The following RBFOX1 variants were observed in gnomAD, a reference collection of about 807,000 sequenced individuals.
RBFOX1 encodes RNA binding protein fox-1 homolog 1.
Under a neutral mutation model 57.7 loss-of-function variants are expected in RBFOX1, and 8 were observed. That is an observed-to-expected ratio of 0.14 (90% CI 0.08 to 0.25). The LOEUF (loss-of-function observed/expected upper bound fraction) is 0.25. Ranked by LOEUF, RBFOX1 falls within the 10% of genes least tolerant of loss-of-function variation. The pLI is 1.00. For synonymous variants in RBFOX1, 326 were observed against 222.4 expected, an observed-to-expected ratio of 1.47 and a Z score of -4.15; for missense variants, 611 against 548.5, an observed-to-expected ratio of 1.11 and a Z score of -1.14.
chr16:7,604,947 TG>T (rs1294652873), intron 9 of RBFOX1, among the ~76,000 whole-genome samples: 1 of 152,142 alleles, frequency 6.6e-6, no homozygotes, highest in Non-Finnish European at 1.5e-5. Flanking sequence ...GAGTATGAGA[TG>T]GGTAACAGTG....
At chr16:6,890,778 C>T (rs2065229940) in intron 3 of RBFOX1, among the ~76,000 whole-genome samples, 1 of 152,126 alleles carries the variant, frequency 6.6e-6, no homozygotes, top group Non-Finnish European at 1.5e-5. Flanking sequence ...GCTTTTTTAA[C>T]CTACGTACCC....
chr16:6,944,412 AAAAG>A (rs1211883516), intron 3 of RBFOX1, among the ~76,000 whole-genome samples: 90 of 149,990 alleles, frequency 6.0e-4, no homozygotes, highest in African/African-American at 2.0e-3. Context: ...AAAAAAAAAA[AAAAG>A]AAAGAAAAGA....
intron 3 of RBFOX1, among the ~76,000 whole-genome samples, chr16:6,897,085 A>G (rs1309447823): frequency 2.0e-5 from 3 of 152,098 alleles, no homozygotes; most frequent in Non-Finnish European, 4.4e-5. Context: ...TGAGGAAGGG[A>G]GCAATGGATG....
At chr16:6,368,323 C>G (rs2089961922) in intron 2 of RBFOX1, among the ~76,000 whole-genome samples, 1 of 152,220 alleles carries the variant, frequency 6.6e-6, no homozygotes, top group Non-Finnish European at 1.5e-5. Flanking sequence ...CCCCAGGAAT[C>G]TTCAGTCTGC....
chr16:6,550,279 C>T (rs539742228), intron 2 of RBFOX1, among the ~76,000 whole-genome samples: 2 of 152,216 alleles, frequency 1.3e-5, no homozygotes, highest in South Asian at 4.2e-4. Context: ...CCAGGTTCAA[C>T]AATTCTCTTG....
Position 6,943,621 on chromosome 16 carries a change from T to A in RBFOX1, c.-15-108436T>A, listed in dbSNP as rs8059256. 8.3e-3 allele frequency among the ~76,000 whole-genome samples: 1,256 copies of A among 150,596 alleles called. 10 individuals are homozygous for A. The highest frequency in any genetic ancestry group is 0.029 in the African/African-American group (1,168 of 40,840). On this transcript the variant is annotated intron_variant, in intron 3 of 15. Transcript: ENST00000550418. ...TACTTGGGAGGCTGAGGCAGGAGAATGGCGTGAACCCGGGAGGCGGAGCTT... is the reference window on the plus strand; with the variant it reads ...TACTTGGGAGGCTGAGGCAGGAGAAAGGCGTGAACCCGGGAGGCGGAGCTT...
Position 6,727,086 on chromosome 16 carries a change from A to C in RBFOX1, c.-16+72436A>C, listed in dbSNP as rs530139700. Among the ~76,000 whole-genome samples the C allele has an allele frequency of 8.1e-3, 141 of 17,484 alleles. 2 individuals are homozygous for C. Among genetic ancestry groups the C allele is most frequent in the African/African-American group, 0.011 (126 of 11,486 alleles). The allele number at this position is 17,484 out of a possible 152,430, so 11.5% of individuals were successfully genotyped here. On this transcript the variant is annotated intron_variant, in intron 3 of 15. Transcript: ENST00000550418. Reference sequence around the variant, plus strand: ...ACACAGACACAGAGAGAGACACACAAAACACACACAGACACACATAAATAT... The same window carrying C: ...ACACAGACACAGAGAGAGACACACACAACACACACAGACACACATAAATAT...
At chr16:5,616,125 C>G (rs1279696798) in intron 3 of RBFOX1, 1 of 152,592 alleles carries the variant, frequency 6.6e-6, no homozygotes, top group Non-Finnish European at 1.5e-5. Flanking sequence ...TGTGGACCTA[C>G]TTCGCGGGCA....
At chr16:5,509,109 A>C (rs79605781) in intron 2 of RBFOX1, among the ~76,000 whole-genome samples, 1,729 of 152,296 alleles carry the variant, frequency 0.011, 22 homozygotes, top group East Asian at 0.058. Flanking sequence ...TCTCAGAGGC[A>C]CAGTGTGAGA....
chr16:7,459,813 T>C (rs747051136), intron 4 of RBFOX1, among the ~76,000 whole-genome samples: 3 of 152,186 alleles, frequency 2.0e-5, no homozygotes, highest in Admixed American at 6.5e-5. Flanking sequence ...CATCTTCTTT[T>C]AGATGCTTAC....
At chr16:5,825,870 A>G (rs1427314671) in intron 3 of RBFOX1, among the ~76,000 whole-genome samples, 1 of 118,244 alleles carries the variant, frequency 8.5e-6, no homozygotes, top group African/African-American at 3.1e-5. Context: ...AATAAGGAAT[A>G]ATATTCCGTA....
intron 4 of RBFOX1, among the ~76,000 whole-genome samples, chr16:7,292,567 A>T (rs2095812914): frequency 6.7e-6 from 1 of 148,858 alleles, no homozygotes; most frequent in Non-Finnish European, 1.5e-5. Flanking sequence ...TATATAACAG[A>T]AGTGGGTTGT....
rs187084531 is a variant in RBFOX1 at position 7,184,800 on chromosome 16, T to G, written c.27+132702T>G. On this transcript the variant is annotated intron_variant, in intron 4 of 15. Transcript: ENST00000550418. ...AGTTCTGAATGTTTGTGCCTCTATG[T>G]ATCAACTCAGAACTTTAGAGGAGAT... Among the ~76,000 whole-genome samples the G allele has an allele frequency of 1.3e-3, 202 of 152,318 alleles. 1 individual carries two copies. Among genetic ancestry groups the G allele is most frequent in the African/African-American group, 4.6e-3 (193 of 41,572 alleles).
At chr16:6,197,754 G>A (rs533990174) in intron 1 of RBFOX1, among the ~76,000 whole-genome samples, 111 of 151,854 alleles carry the variant, frequency 7.3e-4, no homozygotes, top group African/African-American at 2.5e-3. Context: ...TATTAAGCCC[G>A]GTATCCAATA....
intron 4 of RBFOX1, among the ~76,000 whole-genome samples, chr16:7,093,413 A>T (rs2151165596): frequency 6.6e-6 from 1 of 152,172 alleles, no homozygotes; most frequent in African/African-American, 2.4e-5. Context: ...TACCCAGCCC[A>T]CTTCTTCTTT....
chr16:7,232,704 G>T (rs138027128), intron 4 of RBFOX1, among the ~76,000 whole-genome samples: 1,843 of 152,088 alleles, frequency 0.012, 18 homozygotes, highest in Non-Finnish European at 0.02. Flanking sequence ...AGCTGGGTGT[G>T]GTGGTGCATG....
chr16:5,242,347 C>T (rs1265293111), intron 1 of RBFOX1, among the ~76,000 whole-genome samples: 5 of 152,208 alleles, frequency 3.3e-5, no homozygotes, highest in Non-Finnish European at 7.3e-5. Flanking sequence ...GAATATGCCA[C>T]CCTCTTTTCA....
Position 7,705,561 on chromosome 16 carries a change from G to A in RBFOX1, c.996-3495G>A, listed in dbSNP as rs141508371. Among the ~76,000 whole-genome samples the A allele has an allele frequency of 1.2e-3, 187 of 152,252 alleles. 5 individuals carry two copies. The East Asian group carries it at 0.034, about 27-fold the overall frequency. ...GCCTGGAGCACAGTAACCAAGGGAA[G>A]GAAGATGAAGATTGAAAGAGGGACA... On this transcript the variant is annotated intron_variant, in intron 14 of 15. Transcript: ENST00000550418.
chr16:6,370,305 C>T (rs1173586216), intron 2 of RBFOX1, among the ~76,000 whole-genome samples: 2 of 131,136 alleles, frequency 1.5e-5, no homozygotes, highest in Non-Finnish European at 3.1e-5. Context: ...TTGCAGTGAG[C>T]CGAGATCATG....
Sources: gnomAD v4.1 joint callset for allele counts (sites outside exome capture counted in the v4.1 genomes callset) on GRCh38, gnomAD v4.1.1 for gene constraint, MANE v1.5 for transcripts, NCBI Gene and HGNC (gene_info 2026-07-23, HGNC 2026-07-21) for gene names.